KCNMB4: variants seen among roughly 807,000 people sequenced by gnomAD.
KCNMB4 encodes calcium-activated potassium channel subunit beta-4.
In KCNMB4, 3 loss-of-function variants were observed where a neutral mutation model predicts 20.7. That is an observed-to-expected ratio of 0.14 (90% CI 0.07 to 0.37). KCNMB4 has a LOEUF of 0.37. KCNMB4 is among the 10% of genes least tolerant of loss of function. The pLI is 1.00. For missense variants in KCNMB4, 168 were observed against 265.9 expected, an observed-to-expected ratio of 0.63 and a Z score of 2.56; for synonymous variants, 110 against 113.4, an observed-to-expected ratio of 0.97 and a Z score of 0.19.
chr12:70,431,962 G>C lies in KCNMB4; in HGVS notation c.*1309G>C, dbSNP rs1869376924. On this transcript the variant is annotated 3_prime_UTR_variant, in exon 3 of 3. Transcript: ENST00000258111. ...AGTTCCCCTCAGTTATTTCCATGGA[G>C]CTGTAATATGTATATATGGAGTGAT... 1 of 151,900 alleles carries C rather than the reference G, an allele frequency of 6.6e-6. No individual in the cohort carries two copies. The highest frequency in any genetic ancestry group is 1.5e-5 in the Non-Finnish European group (1 of 68,010). 9.4% of individuals were successfully genotyped at this position (151,900 alleles called of 1,614,324 possible). A position where few individuals can be genotyped will look rare whatever the true frequency, so the allele number is the denominator to read the frequency against.
rs541611246 is a variant in KCNMB4 at position 70,371,286 on chromosome 12, A to C, written c.336+4216A>C. On this transcript the variant is annotated intron_variant, in intron 1 of 2. Transcript: ENST00000258111. ...GTGAGAGAAATGCATTAAGGAGAAG[A>C]AAAACTTAGGTGGGACTGAATAAGG... Among the ~76,000 whole-genome samples the C allele has an allele frequency of 1.9e-3, 295 of 152,354 alleles. 2 individuals are homozygous for C. Among genetic ancestry groups the C allele is most frequent in the African/African-American group, 7.0e-3 (290 of 41,578 alleles).
intron 2 of KCNMB4, among the ~76,000 whole-genome samples, chr12:70,418,053 T>A (rs1376570748): frequency 1.3e-5 from 2 of 152,216 alleles, no homozygotes; most frequent in Non-Finnish European, 2.9e-5. Flanking sequence ...TGACTTCCTT[T>A]TAAATGCCTT....
At chr12:70,427,708 CCTCTT>C (rs919463354) in intron 2 of KCNMB4, among the ~76,000 whole-genome samples, 24 of 152,150 alleles carry the variant, frequency 1.6e-4, no homozygotes, top group African/African-American at 5.3e-4. Context: ...TTTCTCTCCT[CCTCTT>C]CTTTTTACTC....
intron 2 of KCNMB4, 70 bp downstream of exon 2, chr12:70,400,406 G>A (rs710651): frequency 0.25 from 361,112 of 1,465,468 alleles, 48,014 homozygotes; most frequent in African/African-American, 0.49. Context: ...CTGTTATATC[G>A]TAGATTATGC....
chr12:70,420,482 G>A (rs915767592), intron 2 of KCNMB4, among the ~76,000 whole-genome samples: 2 of 152,074 alleles, frequency 1.3e-5, no homozygotes, highest in African/African-American at 4.8e-5. Context: ...CAGGGAGGGG[G>A]CCATGAGCCA....
chr12:70,378,058 T>G (rs1453875836), intron 1 of KCNMB4, among the ~76,000 whole-genome samples: 1 of 151,778 alleles, frequency 6.6e-6, no homozygotes, highest in African/African-American at 2.4e-5. Flanking sequence ...CAAGTGACTC[T>G]CCTGCGTCAG....
chr12:70,367,208 A>ACCAGGAATGACTACATCAGGGAGCC, intron 1 of KCNMB4, 138 bp downstream of exon 1: 1 of 614,760 alleles, frequency 1.6e-6, no homozygotes, highest in Non-Finnish European at 2.6e-6. Flanking sequence ...CTGTGCTCAA[A>ACCAGGAATGACTACATCAGGGAGCC]CCAGGAATGA....
intron 2 of KCNMB4, among the ~76,000 whole-genome samples, chr12:70,425,993 T>A (rs921968476): frequency 1.3e-5 from 2 of 151,612 alleles, no homozygotes; most frequent in Non-Finnish European, 2.9e-5. Context: ...TATGTAGAGA[T>A]CATGAAAATG....
At chr12:70,423,720 C>T (rs905357324) in intron 2 of KCNMB4, among the ~76,000 whole-genome samples, 1 of 152,110 alleles carries the variant, frequency 6.6e-6, no homozygotes, top group Non-Finnish European at 1.5e-5. Flanking sequence ...AGCAGTCCTC[C>T]CTCCTCGACC....
At chr12:70,421,485 A>G (rs564936884) in intron 2 of KCNMB4, among the ~76,000 whole-genome samples, 5 of 151,446 alleles carry the variant, frequency 3.3e-5, no homozygotes, top group African/African-American at 1.2e-4. Flanking sequence ...AAAAAAAAAA[A>G]AAAAAAAACT....
chr12:70,415,972 A>G (rs1456771348), intron 2 of KCNMB4, among the ~76,000 whole-genome samples: 2 of 152,218 alleles, frequency 1.3e-5, no homozygotes, highest in African/African-American at 4.8e-5. Flanking sequence ...ACATGGCTGA[A>G]TGGAAGAGAG....
chr12:70,432,981 C>A lies in KCNMB4; in HGVS notation c.*2328C>A, dbSNP rs915564593. The A allele has an allele frequency of 6.6e-6, 1 of 152,066 alleles. No homozygotes were observed. The highest frequency in any genetic ancestry group is 1.5e-5 in the Non-Finnish European group (1 of 68,022). The allele number at this position is 152,066 out of a possible 1,614,324, so 9.4% of individuals were successfully genotyped here. A position where few individuals can be genotyped will look rare whatever the true frequency, so the allele number is the denominator to read the frequency against. ...TTCATGCATTTACACTAAACGCTTCCATTTATCCCGAAAAAGTATATGCAA... is the reference window on the plus strand; with the variant it reads ...TTCATGCATTTACACTAAACGCTTCAATTTATCCCGAAAAAGTATATGCAA... On this transcript the variant is annotated 3_prime_UTR_variant, in exon 3 of 3. Transcript: ENST00000258111.
At chr12:70,430,253 T>C (rs1869324246) in intron 2 of KCNMB4, among the ~76,000 whole-genome samples, 1 of 152,192 alleles carries the variant, frequency 6.6e-6, no homozygotes. Context: ...TTTTGACACT[T>C]TGTAACATGT....
chr12:70,431,119 A>G lies in KCNMB4; in HGVS notation c.*466A>G, dbSNP rs1593352712. On this transcript the variant is annotated 3_prime_UTR_variant, in exon 3 of 3. Transcript: ENST00000258111. ...TTTGCTTCTGCTAGGTTAAACTTTT[A>G]CTTGACAACAAGGATTCCTGCTGAA... is the stretch of plus-strand genomic sequence containing the variant. 6.6e-6 allele frequency: 1 copy of G among 151,602 alleles called. No individual in the cohort carries two copies. Among genetic ancestry groups the G allele is most frequent in the African/African-American group, 2.4e-5 (1 of 41,286 alleles). The allele number at this position is 151,602 out of a possible 1,614,324, so 9.4% of individuals were successfully genotyped here. A position where few individuals can be genotyped will look rare whatever the true frequency, so the allele number is the denominator to read the frequency against.
intron 1 of KCNMB4, among the ~76,000 whole-genome samples, chr12:70,377,403 A>G (rs1325071086): frequency 6.6e-6 from 1 of 152,310 alleles, no homozygotes; most frequent in South Asian, 2.1e-4. Context: ...CAGTACCATT[A>G]TGTCTTAAAA....
chr12:70,368,003 G>A (rs1371324659), intron 1 of KCNMB4, among the ~76,000 whole-genome samples: 1 of 152,128 alleles, frequency 6.6e-6, no homozygotes, highest in Admixed American at 6.5e-5. Context: ...TGAACTAATT[G>A]AGCTTTGTAG....
intron 1 of KCNMB4, among the ~76,000 whole-genome samples, chr12:70,375,519 G>A (rs894036889): frequency 2.0e-5 from 3 of 151,820 alleles, no homozygotes; most frequent in African/African-American, 7.3e-5. Flanking sequence ...GACATACACT[G>A]GTAGTCCTAG....
intron 2 of KCNMB4, among the ~76,000 whole-genome samples, chr12:70,401,347 T>A (rs1428771120): frequency 6.6e-6 from 1 of 151,600 alleles, no homozygotes; most frequent in African/African-American, 2.4e-5. Flanking sequence ...TTTTTACCTG[T>A]ATCATGACTC....
chr12:70,428,881 G>A (rs1257308035), intron 2 of KCNMB4, among the ~76,000 whole-genome samples: 4 of 152,190 alleles, frequency 2.6e-5, no homozygotes, highest in Non-Finnish European at 5.9e-5. Context: ...TGAAAGCTGG[G>A]ATGATTGTTG....
Sources: gnomAD v4.1 joint callset for allele counts (sites outside exome capture counted in the v4.1 genomes callset) on GRCh38, gnomAD v4.1.1 for gene constraint, MANE v1.5 for transcripts, NCBI Gene and HGNC (gene_info 2026-07-23, HGNC 2026-07-21) for gene names.